ZNF536: variants seen among roughly 807,000 people sequenced by gnomAD.
The protein encoded by ZNF536 is zinc finger protein 536.
A neutral mutation model predicts 84.5 loss-of-function variants in ZNF536; 13 were observed. That is an observed-to-expected ratio of 0.15 (90% CI 0.10 to 0.24). ZNF536 has a LOEUF of 0.24. ZNF536 is among the 10% of genes least tolerant of loss of function. ZNF536 has a pLI of 1.00. For missense variants in ZNF536, 1,536 were observed against 1,747.5 expected (o/e 0.88, Z 2.16); for synonymous variants, 811 against 742.5 (o/e 1.09, Z -1.50).
At chr19:30,362,059 C>T (rs1018981974) in intron 3 of ZNF536, among the ~76,000 whole-genome samples, 21 of 152,118 alleles carry the variant, frequency 1.4e-4, no homozygotes, top group Admixed American at 3.9e-4. Context: ...CTGTCTGTTT[C>T]GCACAGTGGG....
At chr19:30,232,011 A>C (rs1427945787) in intron 1 of ZNF536, among the ~76,000 whole-genome samples, 2 of 152,200 alleles carry the variant, frequency 1.3e-5, no homozygotes, top group East Asian at 3.8e-4. Flanking sequence ...GCATCTTCAG[A>C]ATAGAGATGC....
In ZNF536 at chr19:30,292,888, G is replaced by A. The variant is rs77596305; in HGVS notation, c.-120+8747G>A. 3.5e-4 allele frequency among the ~76,000 whole-genome samples: 54 copies of A among 152,256 alleles called. No homozygotes were observed. In the East Asian group the frequency reaches 0.01, roughly 29 times the overall value. Reference sequence around the variant, plus strand: ...TTTTAGGATGCAGGCATGTCAACACGCACAGGATTTCCTCAGGATTAGAAG... The same window carrying A: ...TTTTAGGATGCAGGCATGTCAACACACACAGGATTTCCTCAGGATTAGAAG... On this transcript the variant is annotated intron_variant, in intron 2 of 5. Coordinates refer to the ZNF536 transcript ENST00000585628.
At chr19:30,556,586 A>T (rs2045971999) in intron 4 of ZNF536, 1 of 152,348 alleles carries the variant, frequency 6.6e-6, no homozygotes. Context: ...CTGTTGTGTG[A>T]ATACCATTGT....
intron 1 of ZNF536, among the ~76,000 whole-genome samples, chr19:30,432,356 C>A (rs1324092779): frequency 6.6e-6 from 1 of 152,094 alleles, no homozygotes. Context: ...CTATGAGCTG[C>A]AGACAGGAGG....
At chr19:30,303,089 G>A (rs896729568) in intron 2 of ZNF536, among the ~76,000 whole-genome samples, 1 of 152,164 alleles carries the variant, frequency 6.6e-6, no homozygotes, top group Non-Finnish European at 1.5e-5. Context: ...AGGCACACAC[G>A]TTTTCATCTC....
chr19:30,446,618 G>C (rs1249989451), intron 2 of ZNF536, among the ~76,000 whole-genome samples: 1 of 152,084 alleles, frequency 6.6e-6, no homozygotes, highest in African/African-American at 2.4e-5. Flanking sequence ...GACCTAAAGA[G>C]CCCCACCACT....
intron 1 of ZNF536, among the ~76,000 whole-genome samples, chr19:30,383,366 G>C (rs934749154): frequency 2.0e-5 from 3 of 152,160 alleles, no homozygotes; most frequent in African/African-American, 7.2e-5. Flanking sequence ...TATCCAGGAA[G>C]GTAGATCTGT....
downstream of ZNF536, among the ~76,000 whole-genome samples, chr19:30,560,829 C>T (rs767931294): frequency 8.5e-5 from 13 of 152,196 alleles, no homozygotes; most frequent in Non-Finnish European, 1.6e-4. Context: ...AGAAACTTCG[C>T]GATGATTAAA....
At chr19:30,356,559 G>A (rs1176147810) in intron 3 of ZNF536, among the ~76,000 whole-genome samples, 1 of 152,176 alleles carries the variant, frequency 6.6e-6, no homozygotes, top group Admixed American at 6.5e-5. Context: ...TGTCTATGGG[G>A]CTTTGCATCA....
downstream of ZNF536, among the ~76,000 whole-genome samples, chr19:30,559,345 C>T (rs2046075597): frequency 6.6e-6 from 1 of 152,176 alleles, no homozygotes; most frequent in Non-Finnish European, 1.5e-5. Context: ...TCTGTGTGGC[C>T]ACATTTAGGC....
At chr19:30,542,522 A>T (rs542655926) in intron 3 of ZNF536, among the ~76,000 whole-genome samples, 86 of 152,262 alleles carry the variant, frequency 5.6e-4, no homozygotes, top group Non-Finnish European at 2.2e-4. Context: ...CGGCCTTTTA[A>T]TTTCATTATG....
chr19:30,530,008 G>T (rs2044738877), intron 2 of ZNF536, among the ~76,000 whole-genome samples: 1 of 152,228 alleles, frequency 6.6e-6, no homozygotes, highest in African/African-American at 2.4e-5. Flanking sequence ...CACCCAGGCT[G>T]AGGGTGCATT....
At chr19:30,263,340 C>CA (rs1414812423) in intron 1 of ZNF536, among the ~76,000 whole-genome samples, 2 of 152,132 alleles carry the variant, frequency 1.3e-5, no homozygotes, top group African/African-American at 4.8e-5. Context: ...GGAGCCCCTA[C>CA]AGAAGCCACA....
At chr19:30,485,584 CA>C (rs2054271991) in intron 2 of ZNF536, among the ~76,000 whole-genome samples, 1 of 150,050 alleles carries the variant, frequency 6.7e-6, no homozygotes, top group Non-Finnish European at 1.5e-5. Flanking sequence ...CTTGAGCAAG[CA>C]GTGGATCTTT....
chr19:30,521,251 G>C (rs1352316625), intron 2 of ZNF536, among the ~76,000 whole-genome samples: 1 of 152,240 alleles, frequency 6.6e-6, no homozygotes, highest in Non-Finnish European at 1.5e-5. Flanking sequence ...GTGTCTCCCT[G>C]TGTTGAGGAG....
chr19:30,292,562 C>T (rs2145820053), intron 2 of ZNF536, among the ~76,000 whole-genome samples: 1 of 152,258 alleles, frequency 6.6e-6, no homozygotes, highest in African/African-American at 2.4e-5. Context: ...CTCAAGCGAT[C>T]CTCTCACCTT....
intron 1 of ZNF536, among the ~76,000 whole-genome samples, chr19:30,235,143 G>A (rs186246894): frequency 7.2e-4 from 110 of 152,280 alleles, no homozygotes; most frequent in African/African-American, 2.4e-3. Flanking sequence ...CACACCCCGG[G>A]TGCATTATCT....
At chr19:30,535,526 C>T (rs1455811887) in intron 3 of ZNF536, among the ~76,000 whole-genome samples, 2 of 152,102 alleles carry the variant, frequency 1.3e-5, no homozygotes, top group Non-Finnish European at 2.9e-5. Flanking sequence ...GGAAAAGTGA[C>T]TCTTCCCTGT....
At chr19:30,364,837 G>T (rs527700689) in intron 3 of ZNF536, among the ~76,000 whole-genome samples, 2 of 152,126 alleles carry the variant, frequency 1.3e-5, no homozygotes, top group Non-Finnish European at 2.9e-5. Flanking sequence ...GTATACAAAA[G>T]AGGTACTTTG....
Sources: gnomAD v4.1 joint callset for allele counts (sites outside exome capture counted in the v4.1 genomes callset) on GRCh38, gnomAD v4.1.1 for gene constraint, MANE v1.5 for transcripts, NCBI Gene and HGNC (gene_info 2026-07-23, HGNC 2026-07-21) for gene names.